STEAP3: variants seen among roughly 807,000 people sequenced by gnomAD.
STEAP3 encodes STEAP3 metalloreductase.
A neutral mutation model predicts 34.9 loss-of-function variants in STEAP3; 35 were observed. That is an observed-to-expected ratio of 1.00 (90% CI 0.76 to 1.33). The LOEUF is 1.33. Among genes scored for constraint, STEAP3 ranks in the 40% most tolerant of loss-of-function variants. The pLI is 0.00. For synonymous variants in STEAP3, 281 were observed against 301.6 expected, an observed-to-expected ratio of 0.93 and a Z score of 0.71; for missense variants, 652 against 667.6, an observed-to-expected ratio of 0.98 and a Z score of 0.26.
intron 2 of STEAP3, among the ~76,000 whole-genome samples, chr2:119,238,031 G>A (rs968212538): frequency 6.6e-6 from 1 of 152,214 alleles, no homozygotes; most frequent in Non-Finnish European, 1.5e-5. Context: ...TAATCCACCG[G>A]ATGGATAGGC....
chr2:119,240,375 CT>C (rs1677212350), intron 2 of STEAP3, among the ~76,000 whole-genome samples: 1 of 152,258 alleles, frequency 6.6e-6, no homozygotes, highest in Admixed American at 6.5e-5. Flanking sequence ...CTCCATCTGG[CT>C]GCAGGGTGCC....
chr2:119,234,090 CA>C (rs1159527150), intron 2 of STEAP3, among the ~76,000 whole-genome samples: 3 of 152,166 alleles, frequency 2.0e-5, no homozygotes, highest in African/African-American at 7.2e-5. Context: ...TCCCTAAGCC[CA>C]AAAATCAGGT....
At chr2:119,250,980 T>G (rs734846) in intron 4 of STEAP3, among the ~76,000 whole-genome samples, 20,686 of 152,058 alleles carry the variant, frequency 0.14, 1,923 homozygotes, top group African/African-American at 0.26. Flanking sequence ...GCTGATGTGG[T>G]TATGTCGGGG....
chr2:119,242,108 C>T (rs996614950), intron 2 of STEAP3, among the ~76,000 whole-genome samples: 1 of 152,146 alleles, frequency 6.6e-6, no homozygotes, highest in African/African-American at 2.4e-5. Context: ...GGGTGGGGAC[C>T]GCTTCTCACT....
chr2:119,231,325 T>C (rs1410168528), intron 2 of STEAP3, among the ~76,000 whole-genome samples: 3 of 145,924 alleles, frequency 2.1e-5, no homozygotes, highest in Non-Finnish European at 4.5e-5. Flanking sequence ...GGTTCAAGGA[T>C]TTATCACACA....
intron 5 of STEAP3, among the ~76,000 whole-genome samples, chr2:119,261,706 T>C (rs1677947177): frequency 6.6e-6 from 1 of 152,144 alleles, no homozygotes; most frequent in Admixed American, 6.5e-5. Flanking sequence ...GCACCAACAG[T>C]AGAACCTGCA....
intron 2 of STEAP3, among the ~76,000 whole-genome samples, chr2:119,231,662 G>C (rs999003906): frequency 5.9e-5 from 9 of 152,044 alleles, no homozygotes; most frequent in African/African-American, 2.2e-4. Context: ...GGATTGGCTC[G>C]AGTGTGCTTG....
chr2:119,235,624 G>A (rs1259518137), intron 2 of STEAP3, among the ~76,000 whole-genome samples: 1 of 152,224 alleles, frequency 6.6e-6, no homozygotes, highest in Non-Finnish European at 1.5e-5. Flanking sequence ...AGTTTGACCT[G>A]ATGTGTCCTA....
Position 119,245,962 on chromosome 2 carries a change from G to C in STEAP3, c.496G>C (p.Ala166Pro), listed in dbSNP as rs958413111. The part of the protein sequence containing the change: ...FNVISAWTLQ[A>P]GPRDGNRQVP... Reference sequence around the variant, plus strand: ...TGTCATCTCTGCCTGGACCCTGCAGGCTGGCCCAAGGGATGGTAACAGGCA... The same window carrying C: ...TGTCATCTCTGCCTGGACCCTGCAGCCTGGCCCAAGGGATGGTAACAGGCA... Residue 166 changes from alanine (A) to proline (P), a missense_variant, in exon 3 of 6, where the codon GCT becomes CCT. By Grantham distance (27) the Ala-to-Pro change is conservative. Transcript: ENST00000393110. 1 of 1,613,352 alleles carries C rather than the reference G, an allele frequency of 6.2e-7. No individual in the cohort carries two copies. The highest frequency in any genetic ancestry group is 2.2e-5 in the East Asian group (1 of 44,874).
At position 119,248,129 on chromosome 2, in the gene STEAP3, C is replaced by T. The variant is rs1677503221; in HGVS notation, c.973C>T (p.Leu325=). The T allele has an allele frequency of 6.2e-7, 1 of 1,608,634 alleles. No individual in the cohort carries two copies. The highest frequency in any genetic ancestry group is 1.1e-5 in the South Asian group (1 of 91,066). Residue 325 remains leucine (L), a synonymous_variant, in exon 4 of 6, where the codon CTG becomes TTG. Transcript: ENST00000393110. The part of the protein sequence containing the change: ...IGLLSFFCAA[L]HALYSFCLPL... ...GCTGCTCAGCTTCTTCTGCGCCGCC[C>T]TGCACGCCCTCTACAGCTTCTGCTT...
intron 2 of STEAP3, among the ~76,000 whole-genome samples, chr2:119,235,703 A>G (rs1182359657): frequency 6.6e-6 from 1 of 152,266 alleles, no homozygotes; most frequent in Non-Finnish European, 1.5e-5. Context: ...GGGGGAGAAG[A>G]TAGACAGGAA....
At position 119,230,816 on chromosome 2, in the gene STEAP3, T is replaced by C. The variant is rs1479996462; in HGVS notation, c.-197T>C. On this transcript the variant is annotated 5_prime_UTR_variant, in exon 2 of 6. Coordinates refer to ENST00000393110, the MANE Select transcript of STEAP3 (RefSeq NM_182915.3). ...CAGTCACCACTCCCGGTCCAGCCCC[T>C]GTGGCCAAGAGCTGGCGTGCAGGCT... 4.5e-6 allele frequency: 3 copies of C among 670,784 alleles called. No homozygotes were observed. Among genetic ancestry groups the C allele is most frequent in the Non-Finnish European group, 8.0e-6 (3 of 377,320 alleles). 41.6% of individuals were successfully genotyped at this position (670,784 alleles called of 1,614,324 possible).
chr2:119,239,564 T>C (rs541764181), intron 2 of STEAP3: 1 of 152,318 alleles, frequency 6.6e-6, no homozygotes, highest in Non-Finnish European at 1.5e-5. Flanking sequence ...CCCAGGGACA[T>C]GCACTGTTGA....
Position 119,230,897 on chromosome 2 carries a change from C to G in STEAP3, c.-116C>G. The G allele has an allele frequency of 6.9e-7, 1 of 1,439,822 alleles. No homozygotes were observed. Among genetic ancestry groups the G allele is most frequent in the Non-Finnish European group, 9.8e-7 (1 of 1,025,356 alleles). 89.2% of individuals were successfully genotyped at this position (1,439,822 alleles called of 1,614,324 possible). A position where few individuals can be genotyped will look rare whatever the true frequency, so the allele number is the denominator to read the frequency against. ...GCAGGGCCCTCGCCTCCTGAGAAAC[C>G]GAGAGTCAGAACCAAAGCCAGGCTG... On this transcript the variant is annotated 5_prime_UTR_variant, in exon 2 of 6. Coordinates refer to ENST00000393110, the MANE Select transcript of STEAP3 (RefSeq NM_182915.3).
intron 4 of STEAP3, among the ~76,000 whole-genome samples, chr2:119,252,541 G>A (rs1677655711): frequency 2.0e-5 from 3 of 152,218 alleles, no homozygotes; most frequent in Admixed American, 6.5e-5. Flanking sequence ...CCTGAATGCT[G>A]TCTTTCCATC....
At chr2:119,260,652 TAA>T (rs1677916781) in intron 5 of STEAP3, among the ~76,000 whole-genome samples, 1 of 152,212 alleles carries the variant, frequency 6.6e-6, no homozygotes, top group South Asian at 2.1e-4. Flanking sequence ...TCTTCCACAC[TAA>T]GAGATTAGAA....
rs1678011473 is a variant in STEAP3 at position 119,263,457 on chromosome 2, TC to T, written c.*121del. The T allele has an allele frequency of 1.4e-6, 2 of 1,385,674 alleles. No individual in the cohort carries two copies. Among genetic ancestry groups the T allele is most frequent in the African/African-American group, 2.9e-5 (2 of 70,086 alleles). 85.8% of individuals were successfully genotyped at this position (1,385,674 alleles called of 1,614,324 possible). On this transcript the variant is annotated 3_prime_UTR_variant, in exon 6 of 6. Coordinates refer to ENST00000393110, the MANE Select transcript of STEAP3 (RefSeq NM_182915.3). The stretch of plus-strand genomic sequence containing the variant: ...CTGTGTGCAAATAGGAGGTTTGAGG[TC>T]CAAATTCCTGGGACTCAAATGTATG...
intron 4 of STEAP3, among the ~76,000 whole-genome samples, chr2:119,252,111 A>G (rs1387991206): frequency 6.6e-6 from 1 of 152,220 alleles, no homozygotes; most frequent in African/African-American, 2.4e-5. Context: ...GAGTGCACGT[A>G]GAGCTTGGAG....
At chr2:119,244,817 C>A (rs544161912) in intron 2 of STEAP3, 1 of 152,424 alleles carries the variant, frequency 6.6e-6, no homozygotes, top group South Asian at 2.1e-4. Flanking sequence ...CCCACTCTAT[C>A]TTAGGGGCCC....
Sources: gnomAD v4.1 joint callset for allele counts (sites outside exome capture counted in the v4.1 genomes callset) on GRCh38, gnomAD v4.1.1 for gene constraint, MANE v1.5 for transcripts, NCBI Gene and HGNC (gene_info 2026-07-23, HGNC 2026-07-21) for gene names.